Variants in RCOR1 observed in about 807,000 individuals in gnomAD.
RCOR1 encodes the protein REST corepressor 1.
Under a neutral mutation model 64.0 loss-of-function variants are expected in RCOR1, and 12 were observed. That is an observed-to-expected ratio of 0.19 (90% CI 0.12 to 0.30). The LOEUF (loss-of-function observed/expected upper bound fraction) is 0.30, where lower values mean the gene tolerates loss of function less well. Ranked by LOEUF, RCOR1 falls within the 10% of genes least tolerant of loss-of-function variation. RCOR1 has a pLI of 1.00. For missense variants in RCOR1, 502 were observed against 621.2 expected (o/e 0.81, Z 2.04); for synonymous variants, 279 against 227.2 (o/e 1.23, Z -2.05).
In RCOR1 at chr14:102,592,681, G is replaced by C. The variant is rs981501764; in HGVS notation, c.-206G>C. 5 of 1,228,270 alleles carry C rather than the reference G, an allele frequency of 4.1e-6. No homozygotes were observed. The highest frequency in any genetic ancestry group is 4.2e-5 in the Admixed American group (1 of 23,546). 76.1% of individuals were successfully genotyped at this position (1,228,270 alleles called of 1,614,324 possible). A position where few individuals can be genotyped will look rare whatever the true frequency, so the allele number is the denominator to read the frequency against. ...GTGAAGTGAGGGCGGCGATGAGAGC[G>C]AAAGTTGCGCTCGGCTCGTCGCTGG... On this transcript the variant is annotated 5_prime_UTR_variant, in exon 1 of 12. Coordinates refer to ENST00000262241, the MANE Select transcript of RCOR1 (RefSeq NM_015156.4).
At chr14:102,608,152 C>T (rs951101950) in intron 2 of RCOR1, among the ~76,000 whole-genome samples, 4 of 152,076 alleles carry the variant, frequency 2.6e-5, no homozygotes, top group Admixed American at 6.6e-5. Context: ...TTGTCTAGTT[C>T]CGAAACATTT....
rs563218124 is a variant in RCOR1, at chr14:102,693,576, T to G, written c.446-7702T>G. The stretch of plus-strand genomic sequence containing the variant: ...AGGGCCTGCCCCTCCCAACTCCCTC[T>G]CACAGGCAGGAGAGCCTGCCCTCTC... On this transcript the variant is annotated intron_variant, in intron 3 of 11. Transcript: ENST00000262241. 8.5e-5 allele frequency among the ~76,000 whole-genome samples: 13 copies of G among 152,242 alleles called. No individual in the cohort carries two copies. In the South Asian group the frequency reaches 1.2e-3, roughly 15 times the overall value.
intron 7 of RCOR1, among the ~76,000 whole-genome samples, chr14:102,713,929 A>G (rs1896010949): frequency 6.6e-6 from 1 of 152,236 alleles, no homozygotes; most frequent in African/African-American, 2.4e-5. Flanking sequence ...TTCATTTCTG[A>G]AAGTTTTGGT....
chr14:102,727,648 A>G lies in RCOR1; in HGVS notation c.*1142A>G, dbSNP rs1304606841. 1.3e-5 allele frequency: 2 copies of G among 152,142 alleles called. No homozygotes were observed. The highest frequency in any genetic ancestry group is 4.8e-5 in the African/African-American group (2 of 41,442). The allele number at this position is 152,142 out of a possible 1,614,324, so 9.4% of individuals were successfully genotyped here. A position where few individuals can be genotyped will look rare whatever the true frequency, so the allele number is the denominator to read the frequency against. ...GTGCTGATGTGATTACACAAACACC[A>G]TGCACTCTCTTTTCATATCAGAGTA... On this transcript the variant is annotated 3_prime_UTR_variant, in exon 12 of 12. Coordinates refer to ENST00000262241, the MANE Select transcript of RCOR1 (RefSeq NM_015156.4).
intron 11 of RCOR1, among the ~76,000 whole-genome samples, chr14:102,724,981 C>G (rs1386874433): frequency 6.6e-6 from 1 of 152,162 alleles, no homozygotes; most frequent in Non-Finnish European, 1.5e-5. Flanking sequence ...GTTCTAGTAA[C>G]AGAATGGTCT....
At chr14:102,601,170 C>T (rs1382446322) in intron 2 of RCOR1, among the ~76,000 whole-genome samples, 2 of 151,744 alleles carry the variant, frequency 1.3e-5, no homozygotes, top group Admixed American at 1.3e-4. Context: ...GCCTAGGTGA[C>T]AAAGTGAGAC....
At chr14:102,627,779 G>C (rs1474622002) in intron 2 of RCOR1, among the ~76,000 whole-genome samples, 3 of 151,844 alleles carry the variant, frequency 2.0e-5, no homozygotes, top group African/African-American at 4.8e-5. Flanking sequence ...TGCCCCCACT[G>C]CTCCTCTAGA....
chr14:102,708,872 GT>G (rs1895907884), intron 6 of RCOR1, among the ~76,000 whole-genome samples: 1 of 152,066 alleles, frequency 6.6e-6, no homozygotes, highest in African/African-American at 2.4e-5. Flanking sequence ...TTATTTTGTA[GT>G]TTGAGGTTTA....
intron 2 of RCOR1, among the ~76,000 whole-genome samples, chr14:102,651,894 C>T (rs1307505895): frequency 7.2e-5 from 11 of 152,122 alleles, no homozygotes. Flanking sequence ...TTAGATAGCC[C>T]TGTAGACCTG....
intron 2 of RCOR1, among the ~76,000 whole-genome samples, chr14:102,644,820 T>TA (rs1894447232): frequency 6.6e-6 from 1 of 152,252 alleles, no homozygotes; most frequent in Admixed American, 6.5e-5. Flanking sequence ...GGGCACACGT[T>TA]ACCAATTCCT....
chr14:102,668,948 T>C (rs1452582529), intron 2 of RCOR1, among the ~76,000 whole-genome samples: 2 of 152,174 alleles, frequency 1.3e-5, no homozygotes, highest in African/African-American at 4.8e-5. Flanking sequence ...TTGGAAATCA[T>C]GGACCTATTT....
chr14:102,599,522 G>C (rs893079019), intron 2 of RCOR1, among the ~76,000 whole-genome samples: 9 of 152,076 alleles, frequency 5.9e-5, no homozygotes, highest in African/African-American at 2.2e-4. Context: ...GAATATTTTT[G>C]AGATAGTGGC....
At chr14:102,700,219 C>T (rs975440149) in intron 3 of RCOR1, among the ~76,000 whole-genome samples, 4 of 150,600 alleles carry the variant, frequency 2.7e-5, no homozygotes, top group Admixed American at 2.6e-4. Flanking sequence ...ATTTTGTCTT[C>T]CTTTTCCCTT....
In RCOR1 at chr14:102,593,126, C is replaced by T. The variant is rs752567833; in HGVS notation, c.240C>T (p.Gly80=). Residue 80 remains glycine (G), a synonymous_variant, in exon 1 of 12, where the codon GGC becomes GGT. Coordinates refer to ENST00000262241, the MANE Select transcript of RCOR1 (RefSeq NM_015156.4). ...GTTTGGCGGCGGCGGCGCCCAATGG[C>T]AACAGCAGCAGCAACTCCTGGGAGG... is the stretch of plus-strand genomic sequence containing the variant. The part of the protein sequence containing the change: ...NKSLAAAAPN[G]NSSSNSWEEG... 26 of 1,519,750 alleles carry T rather than the reference C, an allele frequency of 1.7e-5. No homozygotes were observed. The highest frequency in any genetic ancestry group is 3.8e-4 in the Middle Eastern group (2 of 5,216). 94.1% of individuals were successfully genotyped at this position (1,519,750 alleles called of 1,614,324 possible).
At chr14:102,685,445 G>A (rs922422352) in intron 3 of RCOR1, among the ~76,000 whole-genome samples, 49 of 149,432 alleles carry the variant, frequency 3.3e-4, no homozygotes, top group Admixed American at 2.9e-3. Flanking sequence ...AACCTGATCC[G>A]TAGAATGACT....
intron 2 of RCOR1, among the ~76,000 whole-genome samples, chr14:102,681,179 C>CTT (rs1338663086): frequency 6.6e-6 from 1 of 152,052 alleles, no homozygotes; most frequent in Non-Finnish European, 1.5e-5. Flanking sequence ...GGTTCCATAA[C>CTT]TTTCATCATA....
At chr14:102,646,740 G>C (rs1458162989) in intron 2 of RCOR1, among the ~76,000 whole-genome samples, 1 of 152,212 alleles carries the variant, frequency 6.6e-6, no homozygotes, top group African/African-American at 2.4e-5. Context: ...TAGCACTGTG[G>C]TTATAGAGGA....
intron 4 of RCOR1, among the ~76,000 whole-genome samples, chr14:102,706,698 G>T (rs942697626): frequency 6.6e-6 from 1 of 152,072 alleles, no homozygotes; most frequent in Non-Finnish European, 1.5e-5. Context: ...GTGGTGGCAT[G>T]TGCCTGTATC....
chr14:102,676,867 A>C (rs1322433264), intron 2 of RCOR1, among the ~76,000 whole-genome samples: 38 of 72,106 alleles, frequency 5.3e-4, no homozygotes, highest in Admixed American at 1.1e-3. Flanking sequence ...CTGACCCCCC[A>C]CCTCCCTCCT....
Sources: allele counts gnomAD v4.1 joint callset (sites outside exome capture counted in the v4.1 genomes callset), GRCh38; gene constraint gnomAD v4.1.1; transcripts MANE v1.5; gene names NCBI Gene and HGNC (gene_info 2026-07-23, HGNC 2026-07-21).